The following CDK17 variants were observed in gnomAD, a reference collection of about 807,000 sequenced individuals.
The protein encoded by CDK17 is cyclin-dependent kinase 17.
A neutral mutation model predicts 77.6 loss-of-function variants in CDK17; 24 were observed. The observed-to-expected ratio is 0.31, with a 90% CI of 0.22 to 0.44. The LOEUF (loss-of-function observed/expected upper bound fraction) is 0.44, where lower values mean the gene tolerates loss of function less well. Among genes scored for constraint, CDK17 ranks in the 20% least tolerant of loss-of-function variants. The pLI, the probability that CDK17 is intolerant of heterozygous loss-of-function variation, is 1.00. For synonymous variants in CDK17, 203 were observed against 210.4 expected, an observed-to-expected ratio of 0.96 and a Z score of 0.30; for missense variants, 429 against 622.5, an observed-to-expected ratio of 0.69 and a Z score of 3.31.
intron 1 of CDK17, among the ~76,000 whole-genome samples, chr12:96,391,285 ATT>A (rs10718899): frequency 1.4e-5 from 2 of 146,450 alleles, no homozygotes; most frequent in South Asian, 2.2e-4. Flanking sequence ...TTTGTTTTTG[ATT>A]TTTTTTTTCT....
chr12:96,371,780 T>C (rs1212311151), intron 1 of CDK17, among the ~76,000 whole-genome samples: 1 of 152,132 alleles, frequency 6.6e-6, no homozygotes, highest in Non-Finnish European at 1.5e-5. Flanking sequence ...CCTTCAAAAA[T>C]AACTGAATTA....
intron 1 of CDK17, among the ~76,000 whole-genome samples, chr12:96,397,840 CAA>C (rs1954195889): frequency 6.6e-6 from 1 of 152,206 alleles, no homozygotes; most frequent in South Asian, 2.1e-4. Flanking sequence ...GTTAATTTCA[CAA>C]AAGTCTCTAA....
intron 1 of CDK17, among the ~76,000 whole-genome samples, chr12:96,377,611 G>A (rs10860028): frequency 0.43 from 65,185 of 151,410 alleles, 15,179 homozygotes; most frequent in African/African-American, 0.6. Flanking sequence ...GAGGTTATGG[G>A]AAACAGGCCT....
intron 1 of CDK17, among the ~76,000 whole-genome samples, chr12:96,394,792 C>A (rs1954140734): frequency 7.0e-6 from 1 of 141,906 alleles, no homozygotes. Context: ...GGGAGAGACT[C>A]CGTCTCAAAA....
Position 96,328,980 on chromosome 12 carries a change from A to G in CDK17, c.119-4868T>C, listed in dbSNP as rs753554040. ...CTGGCCAATTCAATAAGATAATAAC[A>G]CTCTGTATTTTAAAAAGTAATGGAA... On this transcript the variant is annotated intron_variant, in intron 2 of 16. Transcript: ENST00000261211. Among the ~76,000 whole-genome samples the G allele has an allele frequency of 3.0e-4, 46 of 152,230 alleles. No individual in the cohort carries two copies. The Middle Eastern group carries it at 0.01, about 34-fold the overall frequency.
intron 5 of CDK17, 94 bp from the exon 6 acceptor site, chr12:96,300,454 C>T (rs982315646): frequency 2.6e-5 from 19 of 719,388 alleles, no homozygotes; most frequent in South Asian, 1.9e-4. Context: ...TGGAGTGCAG[C>T]GGCACAATCT....
At chr12:96,371,270 G>C (rs1449343790) in intron 1 of CDK17, among the ~76,000 whole-genome samples, 1 of 151,966 alleles carries the variant, frequency 6.6e-6, no homozygotes, top group Non-Finnish European at 1.5e-5. Flanking sequence ...GAACTGAAGA[G>C]GAATGTCACA....
chr12:96,285,917 G>A, intron 13 of CDK17, 126 bp downstream of exon 13: 1 of 509,454 alleles, frequency 2.0e-6, no homozygotes, highest in Non-Finnish European at 3.6e-6. Flanking sequence ...AATTAAATAA[G>A]ATCCTAAAAT....
intron 3 of CDK17, among the ~76,000 whole-genome samples, chr12:96,316,547 A>C (rs1391626246): frequency 2.0e-5 from 3 of 149,056 alleles, no homozygotes; most frequent in Non-Finnish European, 4.5e-5. Context: ...TGCAGACTTA[A>C]ATGTCCCTGT....
At chr12:96,358,687 T>G (rs2137184570) in intron 1 of CDK17, among the ~76,000 whole-genome samples, 1 of 152,094 alleles carries the variant, frequency 6.6e-6, no homozygotes, top group Admixed American at 6.5e-5. Context: ...TAGCCAGGTG[T>G]TGTGGCACAC....
intron 1 of CDK17, among the ~76,000 whole-genome samples, chr12:96,344,990 C>A (rs1350534469): frequency 6.6e-6 from 1 of 152,148 alleles, no homozygotes; most frequent in Non-Finnish European, 1.5e-5. Flanking sequence ...CTGCCCTCCT[C>A]CGACAGGCCT....
chr12:96,385,012 G>GGAA (rs1565846245), intron 1 of CDK17, among the ~76,000 whole-genome samples: 3 of 75,504 alleles, frequency 4.0e-5, no homozygotes. Flanking sequence ...TTTCTCAAGG[G>GGAA]AAAAAAAAAA....
chr12:96,382,913 T>G (rs1475803016), intron 1 of CDK17, among the ~76,000 whole-genome samples: 1 of 152,100 alleles, frequency 6.6e-6, no homozygotes, highest in Non-Finnish European at 1.5e-5. Context: ...TTGAAAGTCC[T>G]AGCCAGAGCA....
At chr12:96,290,222 G>T (rs1310355912) in intron 10 of CDK17, among the ~76,000 whole-genome samples, 1 of 152,162 alleles carries the variant, frequency 6.6e-6, no homozygotes, top group Non-Finnish European at 1.5e-5. Context: ...AGAAATAAAG[G>T]CTAGAGTTTA....
intron 10 of CDK17, among the ~76,000 whole-genome samples, chr12:96,289,855 T>C (rs1231654174): frequency 1.3e-5 from 2 of 152,204 alleles, no homozygotes; most frequent in Admixed American, 6.5e-5. Context: ...CTTTTTAGGT[T>C]GTAAGTTACA....
chr12:96,344,362 A>G (rs1953167728), intron 1 of CDK17, among the ~76,000 whole-genome samples: 1 of 152,224 alleles, frequency 6.6e-6, no homozygotes, highest in African/African-American at 2.4e-5. Context: ...AAATCCAAGA[A>G]TAAATTCAAA....
intron 5 of CDK17, among the ~76,000 whole-genome samples, chr12:96,300,996 T>C (rs1361854270): frequency 6.6e-6 from 1 of 152,198 alleles, no homozygotes; most frequent in Admixed American, 6.5e-5. Flanking sequence ...CAAGGATAAC[T>C]ACTTGGGATT....
At chr12:96,322,163 G>A (rs1318095499) in intron 3 of CDK17, among the ~76,000 whole-genome samples, 1 of 152,152 alleles carries the variant, frequency 6.6e-6, no homozygotes, top group African/African-American at 2.4e-5. Flanking sequence ...AGACAAACGT[G>A]AAACAATGAT....
intron 14 of CDK17, 76 bp from the exon 15 acceptor site, chr12:96,282,675 A>G (rs1952192790): frequency 1.2e-6 from 1 of 850,442 alleles, no homozygotes; most frequent in Non-Finnish European, 2.0e-6. Context: ...GCAAATTAGC[A>G]TTTAGAGCTA....
Sources: gnomAD v4.1 joint callset for allele counts (sites outside exome capture counted in the v4.1 genomes callset) on GRCh38, gnomAD v4.1.1 for gene constraint, MANE v1.5 for transcripts, NCBI Gene and HGNC (gene_info 2026-07-23, HGNC 2026-07-21) for gene names.